CLIP4: variants seen among roughly 807,000 people sequenced by gnomAD.
CLIP4 encodes CAP-Gly domain containing linker protein family member 4.
Under a neutral mutation model 73.1 loss-of-function variants are expected in CLIP4, and 47 were observed. That is an observed-to-expected ratio of 0.64 (90% CI 0.51 to 0.82). The LOEUF (loss-of-function observed/expected upper bound fraction) is 0.82. Ranked by LOEUF, CLIP4 falls within the 40% of genes least tolerant of loss-of-function variation. CLIP4 has a pLI of 0.00. For synonymous variants in CLIP4, 306 were observed against 295.4 expected (o/e 1.04, Z -0.37); for missense variants, 874 against 852.9 (o/e 1.02, Z -0.31).
At chr2:29,135,499 T>A in intron 5 of CLIP4, 49 bp from the exon 6 acceptor site, 3 of 1,355,906 alleles carry the variant, frequency 2.2e-6, no homozygotes, top group Non-Finnish European at 3.1e-6. Context: ...TAAATTATGA[T>A]AGCTAAGTTT....
chr2:29,112,794 A>G (rs1668416064), upstream of CLIP4, among the ~76,000 whole-genome samples: 1 of 152,250 alleles, frequency 6.6e-6, no homozygotes, highest in Non-Finnish European at 1.5e-5. Flanking sequence ...GGTGTCTCTC[A>G]TGGTCCTAAG....
intron 15 of CLIP4, among the ~76,000 whole-genome samples, chr2:29,176,047 C>T (rs1668324113): frequency 6.6e-6 from 1 of 152,242 alleles, no homozygotes; most frequent in South Asian, 2.1e-4. Context: ...AGGCGTGAGC[C>T]ACCGCACCCG....
chr2:29,143,412 T>TTTTA, intron 6 of CLIP4, among the ~76,000 whole-genome samples: 1 of 145,684 alleles, frequency 6.9e-6, no homozygotes, highest in African/African-American at 2.5e-5. Context: ...TTTTTTTTTT[T>TTTTA]CCCTCCAGGC....
At chr2:29,130,790 A>G (rs1352069822) in intron 2 of CLIP4, 1 of 1,287,642 alleles carries the variant, frequency 7.8e-7, no homozygotes, top group South Asian at 1.2e-5. Flanking sequence ...TACATAGTAT[A>G]ATTTTGGAAA....
intron 1 of CLIP4, among the ~76,000 whole-genome samples, chr2:29,098,183 G>A (rs111954014): frequency 1.3e-5 from 2 of 152,318 alleles, no homozygotes; most frequent in African/African-American, 2.4e-5. Context: ...CTTAAAAGGA[G>A]TATTAAAAAT....
chr2:29,107,223 G>A (rs1668233229), intron 1 of CLIP4, among the ~76,000 whole-genome samples: 1 of 152,032 alleles, frequency 6.6e-6, no homozygotes, highest in Non-Finnish European at 1.5e-5. Context: ...GAGTGGATTG[G>A]TTTTGTAAAC....
At chr2:29,140,458 T>C (rs1472593659) in intron 6 of CLIP4, among the ~76,000 whole-genome samples, 2 of 152,192 alleles carry the variant, frequency 1.3e-5, no homozygotes, top group South Asian at 2.1e-4. Flanking sequence ...ATGTGCCACA[T>C]TTTCTTAATC....
chr2:29,133,768 G>T lies in CLIP4; in HGVS notation c.481G>T (p.Asp161Tyr). 1.2e-6 allele frequency: 2 copies of T among 1,613,272 alleles called. No homozygotes were observed. The change falls in exon 5 of 16, where the codon GAT becomes TAT. Residue 161 changes from aspartate (D) to tyrosine (Y), a missense_variant. Transcript: ENST00000320081. ...TGCTTTGCATTATGCTGCTTATTTT[G>T]ATGTCCCTGAACTTATAAGAGTGAT... ...MNALHYAAYFDVPELIRVILK... is the reference protein window; with the variant it reads ...MNALHYAAYFYVPELIRVILK...
rs1357777660 is a variant in CLIP4 at position 29,157,345 on chromosome 2, C to T, written c.1397C>T (p.Ala466Val). The change falls in exon 11 of 16, where the codon GCT becomes GTT. Residue 466 changes from alanine to valine, a missense_variant and splice_region_variant. Ala to Val is a moderately conservative substitution (Grantham distance 64, BLOSUM62 0). Transcript: ENST00000320081. The part of the protein sequence containing the change: ...KSPSLSSRAS[A>V]GLNSSATSTA... ...CCTTCCCTTTCATCCAGAGCCAGTGCTGGTATCTATGGCTTTTTCAACCAG... is the reference window on the plus strand; with the variant it reads ...CCTTCCCTTTCATCCAGAGCCAGTGTTGGTATCTATGGCTTTTTCAACCAG... 5 of 1,613,990 alleles carry T rather than the reference C, an allele frequency of 3.1e-6. No homozygotes were observed. The East Asian group carries it at 1.1e-4, about 36-fold the overall frequency.
In CLIP4 at chr2:29,109,801, G is replaced by T. The variant is rs1001252019; in HGVS notation, c.-15-11573G>T. Among the ~76,000 whole-genome samples the T allele has an allele frequency of 5.9e-5, 9 of 152,270 alleles. No individual in the cohort carries two copies. The South Asian group carries it at 1.9e-3, about 32-fold the overall frequency. ...AGGGCCGGCATGACAGCTCATGCCT[G>T]TAATCCAGCAGTTTGGGAGGCTGAG... On this transcript the variant is annotated intron_variant, in intron 1 of 14. Coordinates refer to the CLIP4 transcript ENST00000401605.
At chr2:29,131,477 A>G in intron 3 of CLIP4, 80 bp downstream of exon 3, 2 of 1,438,782 alleles carry the variant, frequency 1.4e-6, no homozygotes, top group Non-Finnish European at 1.9e-6. Context: ...TGAAAGGAAG[A>G]TGGTAATAAA....
chr2:29,175,036 G>A (rs1668243425), intron 15 of CLIP4, among the ~76,000 whole-genome samples: 1 of 152,094 alleles, frequency 6.6e-6, no homozygotes, highest in African/African-American at 2.4e-5. Flanking sequence ...GGGTTTAGAG[G>A]TGCTGCCAGT....
chr2:29,103,854 CA>C (rs1458361416), intron 1 of CLIP4, among the ~76,000 whole-genome samples: 6 of 152,078 alleles, frequency 3.9e-5, no homozygotes, highest in African/African-American at 1.4e-4. Context: ...GCTGAGATTA[CA>C]GGTGCCCGCC....
In CLIP4 at chr2:29,156,373, A is replaced by G; in HGVS notation, c.1185A>G (p.Lys395=). ...TCCAAGGATTAATGACATCAAAAAA[A>G]GATAGTGCTTCTGAGTCAACACTTT... ...KVNTGLMTSK[K]DSASESTLSL... The change falls in exon 10 of 16, where the codon AAA becomes AAG. Residue 395 remains lysine (K), a synonymous_variant. Coordinates refer to ENST00000320081, the MANE Select transcript of CLIP4 (RefSeq NM_024692.6). The G allele has an allele frequency of 1.3e-6, 2 of 1,574,836 alleles. No homozygotes were observed. The highest frequency in any genetic ancestry group is 1.2e-5 in the South Asian group (1 of 83,712).
intron 1 of CLIP4, among the ~76,000 whole-genome samples, chr2:29,109,097 T>C (rs1182459162): frequency 6.6e-6 from 1 of 152,256 alleles, no homozygotes; most frequent in Non-Finnish European, 1.5e-5. Context: ...TTACATTTTC[T>C]ATAAAATAAT....
At chr2:29,137,452 C>A (rs754867586) in intron 6 of CLIP4, among the ~76,000 whole-genome samples, 1 of 152,076 alleles carries the variant, frequency 6.6e-6, no homozygotes, top group African/African-American at 2.4e-5. Flanking sequence ...GATTCCATGG[C>A]TTTGCTATTA....
At chr2:29,170,858 C>CT (rs1359831422) in intron 14 of CLIP4, among the ~76,000 whole-genome samples, 3 of 151,842 alleles carry the variant, frequency 2.0e-5, no homozygotes, top group East Asian at 3.9e-4. Context: ...AAAAGACTGT[C>CT]TTTTTTCCAT....
chr2:29,111,595 T>C (rs1668388264), upstream of CLIP4, among the ~76,000 whole-genome samples: 1 of 152,248 alleles, frequency 6.6e-6, no homozygotes, highest in African/African-American at 2.4e-5. Context: ...ATTCTTATAC[T>C]TTTCTCATTT....
intron 2 of CLIP4, 96 bp downstream of exon 2, chr2:29,121,617 T>TAAAA: frequency 7.3e-7 from 1 of 1,376,720 alleles, no homozygotes. Context: ...GAACCATTTT[T>TAAAA]ATGGTTTTCA....
Sources: gnomAD v4.1 joint callset for allele counts (sites outside exome capture counted in the v4.1 genomes callset) on GRCh38, gnomAD v4.1.1 for gene constraint, MANE v1.5 for transcripts, NCBI Gene and HGNC (gene_info 2026-07-23, HGNC 2026-07-21) for gene names.